ZFPM2: variants seen among roughly 807,000 people sequenced by gnomAD.
ZFPM2 encodes zinc finger protein ZFPM2.
Under a neutral mutation model 98.6 loss-of-function variants are expected in ZFPM2, and 20 were observed. The observed-to-expected ratio is 0.20, with a 90% confidence interval of 0.14 to 0.29. The LOEUF is 0.29. Ranked by LOEUF, ZFPM2 falls within the 10% of genes least tolerant of loss-of-function variation. The pLI, the probability that ZFPM2 is intolerant of heterozygous loss-of-function variation, is 1.00. For missense variants in ZFPM2, 1,310 were observed against 1,388.6 expected, an observed-to-expected ratio of 0.94 and a Z score of 0.90; for synonymous variants, 518 against 502.7, an observed-to-expected ratio of 1.03 and a Z score of -0.41.
intron 4 of ZFPM2, among the ~76,000 whole-genome samples, chr8:105,579,453 T>C (rs1354023768): frequency 6.6e-6 from 1 of 152,136 alleles, no homozygotes. Flanking sequence ...CTTTGGTTCT[T>C]GTGTCAGGGA....
chr8:105,778,621 C>T (rs1813166200), intron 5 of ZFPM2, among the ~76,000 whole-genome samples: 1 of 152,090 alleles, frequency 6.6e-6, no homozygotes, highest in African/African-American at 2.4e-5. Context: ...GTGTAATCGT[C>T]ATTAACTAAG....
intron 3 of ZFPM2, among the ~76,000 whole-genome samples, chr8:105,558,804 G>T (rs1309358124): frequency 2.0e-5 from 3 of 151,998 alleles, no homozygotes; most frequent in Admixed American, 6.6e-5. Context: ...AATTATTTGG[G>T]TATATTTTTA....
At chr8:105,438,802 G>C (rs539889147) in intron 2 of ZFPM2, among the ~76,000 whole-genome samples, 1 of 152,118 alleles carries the variant, frequency 6.6e-6, no homozygotes, top group Non-Finnish European at 1.5e-5. Flanking sequence ...GCATCTCATT[G>C]CAGTCAACAT....
intron 2 of ZFPM2, among the ~76,000 whole-genome samples, chr8:105,441,448 G>A (rs201798628): frequency 1.9e-4 from 7 of 36,036 alleles, no homozygotes; most frequent in African/African-American, 8.8e-4. Flanking sequence ...GAGAGAGAGA[G>A]AGAGAGAAAG....
At chr8:105,788,651 A>G in intron 5 of ZFPM2, 67 bp from the exon 6 acceptor site, 2 of 1,468,234 alleles carry the variant, frequency 1.4e-6, no homozygotes, top group Non-Finnish European at 1.9e-6. Context: ...TATGGACATC[A>G]ATCTAGTTTA....
chr8:105,456,139 G>T (rs1812584648), intron 3 of ZFPM2, among the ~76,000 whole-genome samples: 1 of 143,190 alleles, frequency 7.0e-6, no homozygotes, highest in Non-Finnish European at 1.5e-5. Context: ...GGGAAAACCA[G>T]GAAAATGTTT....
At chr8:105,655,654 A>G (rs975693455) in intron 5 of ZFPM2, among the ~76,000 whole-genome samples, 1 of 152,210 alleles carries the variant, frequency 6.6e-6, no homozygotes, top group African/African-American at 2.4e-5. Flanking sequence ...TCATAGAATC[A>G]TAAAATTCAC....
At chr8:105,578,931 A>T (rs578028555) in intron 4 of ZFPM2, among the ~76,000 whole-genome samples, 1 of 152,284 alleles carries the variant, frequency 6.6e-6, no homozygotes, top group South Asian at 2.1e-4. Flanking sequence ...TCATTATGGC[A>T]TTAACAATCT....
chr8:105,718,857 CATAT>C (rs1811588585), intron 5 of ZFPM2, among the ~76,000 whole-genome samples: 1 of 151,826 alleles, frequency 6.6e-6, no homozygotes, highest in African/African-American at 2.4e-5. Context: ...CCCTCTTTCA[CATAT>C]ATTTTCTTAT....
intron 2 of ZFPM2, among the ~76,000 whole-genome samples, chr8:105,437,737 T>A (rs1812154718): frequency 6.6e-6 from 1 of 152,184 alleles, no homozygotes; most frequent in Non-Finnish European, 1.5e-5. Context: ...GTGGCTGCCA[T>A]TTTTAATGTT....
chr8:105,485,324 T>C (rs1230830873), intron 3 of ZFPM2, among the ~76,000 whole-genome samples: 2 of 151,972 alleles, frequency 1.3e-5, no homozygotes, highest in African/African-American at 2.4e-5. Context: ...TGTTTTTGAT[T>C]GAGTGAGAAT....
At chr8:105,393,367 T>TTTCC (rs1811153956) in intron 1 of ZFPM2, among the ~76,000 whole-genome samples, 1 of 108,674 alleles carries the variant, frequency 9.2e-6, no homozygotes, top group African/African-American at 3.8e-5. Flanking sequence ...TCTTTCTTTC[T>TTTCC]TTCTTTCTTT....
chr8:105,757,724 A>G (rs981986369), intron 5 of ZFPM2, among the ~76,000 whole-genome samples: 9 of 152,174 alleles, frequency 5.9e-5, no homozygotes, highest in African/African-American at 2.2e-4. Flanking sequence ...CCATCCCTAA[A>G]CAAAACTATG....
At chr8:105,478,934 AG>A (rs900960058) in intron 3 of ZFPM2, among the ~76,000 whole-genome samples, 1 of 152,212 alleles carries the variant, frequency 6.6e-6, no homozygotes, top group Non-Finnish European at 1.5e-5. Flanking sequence ...CATTTTACTG[AG>A]AATAAAGAAG....
At position 105,380,635 on chromosome 8, in the gene ZFPM2, T is replaced by A. The variant is rs1351699157; in HGVS notation, c.41-38509T>A. 7.3e-3 allele frequency among the ~76,000 whole-genome samples: 107 copies of A among 14,730 alleles called. 5 individuals are homozygous for A. The highest frequency in any genetic ancestry group is 0.028 in the Middle Eastern group (1 of 36). The allele number at this position is 14,730 out of a possible 152,430, so 9.7% of individuals were successfully genotyped here. A position where few individuals can be genotyped will look rare whatever the true frequency, so the allele number is the denominator to read the frequency against. On this transcript the variant is annotated intron_variant, in intron 1 of 7. Transcript: ENST00000407775. Reference sequence around the variant, plus strand: ...TATATATTATATATAACATATATATTATATATATATTATATATATATATTA... The same window carrying A: ...TATATATTATATATAACATATATATAATATATATATTATATATATATATTA...
At chr8:105,579,814 T>C (rs1238499053) in intron 4 of ZFPM2, among the ~76,000 whole-genome samples, 4 of 152,140 alleles carry the variant, frequency 2.6e-5, no homozygotes, top group Non-Finnish European at 4.4e-5. Context: ...GCGTGGTAGT[T>C]CTCTTTATTT....
intron 5 of ZFPM2, among the ~76,000 whole-genome samples, chr8:105,698,361 G>A (rs1157652651): frequency 6.6e-6 from 1 of 152,086 alleles, no homozygotes; most frequent in Admixed American, 6.5e-5. Context: ...CAAGTCACTG[G>A]GGACTGCAAA....
At chr8:105,575,549 G>T (rs1279138068) in intron 4 of ZFPM2, among the ~76,000 whole-genome samples, 1 of 152,150 alleles carries the variant, frequency 6.6e-6, no homozygotes, top group African/African-American at 2.4e-5. Context: ...GCTTCTTGAA[G>T]ATTTTCTAAT....
At chr8:105,559,284 T>C (rs1815073877) in intron 3 of ZFPM2, among the ~76,000 whole-genome samples, 2 of 152,216 alleles carry the variant, frequency 1.3e-5, no homozygotes, top group Non-Finnish European at 2.9e-5. Context: ...GGCATTAATA[T>C]GTTATTTACT....
Sources: gnomAD v4.1 joint callset for allele counts (sites outside exome capture counted in the v4.1 genomes callset) on GRCh38, gnomAD v4.1.1 for gene constraint, MANE v1.5 for transcripts, NCBI Gene and HGNC (gene_info 2026-07-23, HGNC 2026-07-21) for gene names.